Variants in MYO5B observed in about 807,000 individuals in gnomAD.
The protein encoded by MYO5B is unconventional myosin-Vb.
A neutral mutation model predicts 229.3 loss-of-function variants in MYO5B; 143 were observed. That is an observed-to-expected ratio of 0.62 (90% CI 0.54 to 0.72). The LOEUF (loss-of-function observed/expected upper bound fraction) is 0.72. Ranked by LOEUF, MYO5B falls within the 30% of genes least tolerant of loss-of-function variation. The pLI, the probability that MYO5B is intolerant of heterozygous loss-of-function variation, is 0.00. For synonymous variants in MYO5B, 918 were observed against 885.2 expected, an observed-to-expected ratio of 1.04 and a Z score of -0.66; for missense variants, 2,321 against 2,331.0, an observed-to-expected ratio of 1.00 and a Z score of 0.09.
intron 17 of MYO5B, among the ~76,000 whole-genome samples, chr18:49,929,196 C>T (rs2025161962): frequency 6.6e-6 from 1 of 152,112 alleles, no homozygotes; most frequent in African/African-American, 2.4e-5. Flanking sequence ...GTAAAGGGGA[C>T]AAGGTAGGAA....
chr18:50,044,732 G>A (rs1413866662), intron 2 of MYO5B, among the ~76,000 whole-genome samples: 2 of 152,162 alleles, frequency 1.3e-5, no homozygotes, highest in Non-Finnish European at 2.9e-5. Flanking sequence ...ACTAGCCACT[G>A]TTAATACAAA....
intron 24 of MYO5B, among the ~76,000 whole-genome samples, chr18:49,878,315 T>G (rs1726141009): frequency 6.6e-6 from 1 of 151,968 alleles, no homozygotes; most frequent in South Asian, 2.1e-4. Context: ...CCATTTATAC[T>G]GTTCATTTAA....
intron 14 of MYO5B, among the ~76,000 whole-genome samples, chr18:49,945,393 C>T (rs1568041577): frequency 6.6e-6 from 1 of 152,146 alleles, no homozygotes; most frequent in African/African-American, 2.4e-5. Flanking sequence ...CTGTCCTCAC[C>T]CTACTTCCTA....
At chr18:49,942,396 A>AAC (rs1555645742) in intron 14 of MYO5B, among the ~76,000 whole-genome samples, 9,687 of 133,852 alleles carry the variant, frequency 0.072, 939 homozygotes, top group African/African-American at 0.21. Flanking sequence ...AAAAAAAAAA[A>AAC]AAAAAAAAAC....
At chr18:49,953,845 G>C (rs1304602232) in intron 13 of MYO5B, among the ~76,000 whole-genome samples, 1 of 151,418 alleles carries the variant, frequency 6.6e-6, no homozygotes, top group African/African-American at 2.4e-5. Context: ...TCTCTCTCAA[G>C]CTCCATGAGG....
At chr18:50,032,940 T>C (rs549771435) in intron 4 of MYO5B, among the ~76,000 whole-genome samples, 2 of 152,066 alleles carry the variant, frequency 1.3e-5, no homozygotes, top group East Asian at 1.9e-4. Context: ...TGAGCCAAGA[T>C]TGCACCATTG....
intron 10 of MYO5B, among the ~76,000 whole-genome samples, chr18:49,971,263 G>A (rs1370447010): frequency 2.6e-5 from 4 of 152,164 alleles, no homozygotes; most frequent in African/African-American, 9.7e-5. Flanking sequence ...TAGAGAGGGC[G>A]AGAAGTGGGG....
At chr18:50,186,687 G>C (rs1450224766) in intron 1 of MYO5B, among the ~76,000 whole-genome samples, 3 of 152,214 alleles carry the variant, frequency 2.0e-5, no homozygotes, top group Non-Finnish European at 2.9e-5. Context: ...CTAATGAACA[G>C]TTGCCAACAC....
At chr18:49,947,295 T>C (rs890296219) in intron 14 of MYO5B, among the ~76,000 whole-genome samples, 1 of 151,710 alleles carries the variant, frequency 6.6e-6, no homozygotes, top group Non-Finnish European at 1.5e-5. Context: ...TTAGTAGAGA[T>C]GGGGTTTCGC....
intron 21 of MYO5B, among the ~76,000 whole-genome samples, chr18:49,899,572 C>T (rs2024817574): frequency 6.6e-6 from 1 of 152,210 alleles, no homozygotes; most frequent in South Asian, 2.1e-4. Context: ...GCAGAACATA[C>T]CCTGAAACCA....
chr18:49,967,402 T>C (rs902428309), intron 10 of MYO5B, among the ~76,000 whole-genome samples: 2 of 152,204 alleles, frequency 1.3e-5, no homozygotes, highest in African/African-American at 4.8e-5. Flanking sequence ...AGTGAGATGC[T>C]TTGAAGATTG....
intron 16 of MYO5B, among the ~76,000 whole-genome samples, chr18:49,931,109 A>G (rs2144198702): frequency 6.6e-6 from 1 of 152,286 alleles, no homozygotes; most frequent in East Asian, 1.9e-4. Flanking sequence ...TGGAGCTAAG[A>G]GTCATGCTTC....
intron 14 of MYO5B, among the ~76,000 whole-genome samples, chr18:49,941,390 C>A (rs2025312185): frequency 6.6e-6 from 1 of 152,188 alleles, no homozygotes; most frequent in Non-Finnish European, 1.5e-5. Context: ...ATGATTAGCA[C>A]TAGAGAATGC....
At chr18:49,916,676 A>G (rs528204497) in intron 17 of MYO5B, among the ~76,000 whole-genome samples, 1 of 152,082 alleles carries the variant, frequency 6.6e-6, no homozygotes, top group East Asian at 1.9e-4. Context: ...GAGAAGCACC[A>G]CCATCGCTTC....
chr18:49,869,707 AG>A, intron 27 of MYO5B, among the ~76,000 whole-genome samples: 1 of 152,250 alleles, frequency 6.6e-6, no homozygotes, highest in South Asian at 2.1e-4. Context: ...TTTCATGCGT[AG>A]GGTAGTACAG....
chr18:49,920,138 C>T (rs979630135), intron 17 of MYO5B, among the ~76,000 whole-genome samples: 18 of 152,098 alleles, frequency 1.2e-4, no homozygotes, highest in African/African-American at 4.8e-5. Flanking sequence ...AGTAGGTTAG[C>T]GCTTGCCAGG....
At chr18:49,867,729 C>CTA (rs1458899189) in intron 27 of MYO5B, among the ~76,000 whole-genome samples, 1 of 150,430 alleles carries the variant, frequency 6.6e-6, no homozygotes, top group Admixed American at 6.7e-5. Context: ...CATTGAAATT[C>CTA]TATATATAGT....
chr18:50,079,063 T>C (rs2144465541), intron 1 of MYO5B, among the ~76,000 whole-genome samples: 1 of 152,336 alleles, frequency 6.6e-6, no homozygotes, highest in South Asian at 2.1e-4. Flanking sequence ...CAAGTGACTC[T>C]GGGGAAGGGC....
rs577588588 is a variant in MYO5B at position 50,066,218 on chromosome 18, AC to A, written c.28-10841del. Among the ~76,000 whole-genome samples the A allele has an allele frequency of 8.7e-4, 132 of 152,342 alleles. 1 individual carries two copies. Among genetic ancestry groups the A allele is most frequent in the Non-Finnish European group, 1.7e-3 (116 of 68,022 alleles). On this transcript the variant is annotated intron_variant, in intron 1 of 39. Transcript: ENST00000285039. ...ATAGTTCAGTCTTGCAATGTGCATA[AC>A]CCCAGTCCCTTCCCTTTGTCCTCAT...
Sources: allele counts gnomAD v4.1 joint callset (sites outside exome capture counted in the v4.1 genomes callset), GRCh38; gene constraint gnomAD v4.1.1; transcripts MANE v1.5; gene names NCBI Gene and HGNC (gene_info 2026-07-23, HGNC 2026-07-21).